LUZP2: variants seen among roughly 807,000 people sequenced by gnomAD.
LUZP2 encodes leucine zipper protein 2.
In LUZP2, 52 loss-of-function variants were observed where a neutral mutation model predicts 51.6. The ratio of observed to expected loss-of-function variants is 1.01; its 90% CI spans 0.81 to 1.27. The LOEUF (loss-of-function observed/expected upper bound fraction) is 1.27. Among genes scored for constraint, LUZP2 ranks in the 50% most tolerant of loss-of-function variants. The pLI, the probability that LUZP2 is intolerant of heterozygous loss-of-function variation, is 0.00. For synonymous variants in LUZP2, 154 were observed against 137.3 expected (o/e 1.12, Z -0.85); for missense variants, 436 against 395.4 (o/e 1.10, Z -0.87).
intron 8 of LUZP2, among the ~76,000 whole-genome samples, chr11:24,979,515 A>G (rs1855968918): frequency 6.6e-6 from 1 of 151,872 alleles, no homozygotes; most frequent in South Asian, 2.1e-4. Context: ...AAATAACCTT[A>G]AGTACTTCAT....
chr11:24,848,456 A>G (rs1440780403), intron 5 of LUZP2, among the ~76,000 whole-genome samples: 1 of 151,872 alleles, frequency 6.6e-6, no homozygotes, highest in Non-Finnish European at 1.5e-5. Context: ...TTCAGCTCCC[A>G]CCCTTCCACT....
intron 5 of LUZP2, chr11:24,831,781 T>G (rs1475295657): frequency 2.0e-5 from 3 of 152,578 alleles, no homozygotes; most frequent in African/African-American, 4.8e-5. Flanking sequence ...TTAAAAACTT[T>G]GGAAAGGCCA....
Position 24,932,813 on chromosome 11 carries a change from C to G in LUZP2, c.522+18275C>G, listed in dbSNP as rs149310744. Among the ~76,000 whole-genome samples, 1,470 of 152,302 alleles carry G rather than the reference C, an allele frequency of 9.7e-3. 20 individuals carry two copies. The highest frequency in any genetic ancestry group is 0.045 in the South Asian group (215 of 4,826). Reference sequence around the variant, plus strand: ...TGTAGTGGCTGCACCTTCTGTTTGCCTCTCTCTCGGGTTCTGTCCAGGAAA... The same window carrying G: ...TGTAGTGGCTGCACCTTCTGTTTGCGTCTCTCTCGGGTTCTGTCCAGGAAA... On this transcript the variant is annotated intron_variant, in intron 7 of 11. Transcript: ENST00000336930.
At chr11:24,841,115 C>G (rs1321103830) in intron 5 of LUZP2, among the ~76,000 whole-genome samples, 2 of 151,750 alleles carry the variant, frequency 1.3e-5, no homozygotes, top group African/African-American at 4.8e-5. Flanking sequence ...TGTTAAAGCC[C>G]TAATGTCCAA....
chr11:24,989,186 C>T (rs983825118), intron 9 of LUZP2, among the ~76,000 whole-genome samples: 10 of 151,892 alleles, frequency 6.6e-5, no homozygotes, highest in African/African-American at 2.2e-4. Context: ...CAGATGAGTC[C>T]CCATATTTTA....
chr11:24,754,104 G>T (rs992322187), intron 4 of LUZP2, among the ~76,000 whole-genome samples: 2 of 152,074 alleles, frequency 1.3e-5, no homozygotes, highest in African/African-American at 4.8e-5. Context: ...TGAATCCCAT[G>T]ACTCTCTCTT....
At chr11:24,696,021 C>T (rs1343440104) in intron 1 of LUZP2, among the ~76,000 whole-genome samples, 5 of 151,986 alleles carry the variant, frequency 3.3e-5, no homozygotes, top group Non-Finnish European at 5.9e-5. Context: ...TCAACAGAAA[C>T]AGAAACTTCT....
chr11:24,877,624 T>C (rs1852315196), intron 5 of LUZP2, among the ~76,000 whole-genome samples: 1 of 152,146 alleles, frequency 6.6e-6, no homozygotes, highest in Non-Finnish European at 1.5e-5. Flanking sequence ...TATTTTAAAA[T>C]GTACAATTAA....
At chr11:24,700,507 A>G (rs1405513798) in intron 1 of LUZP2, among the ~76,000 whole-genome samples, 1 of 152,070 alleles carries the variant, frequency 6.6e-6, no homozygotes, top group African/African-American at 2.4e-5. Context: ...AATCTAACAT[A>G]TGTATTTTAC....
chr11:24,991,778 G>A (rs1226609385), intron 9 of LUZP2, among the ~76,000 whole-genome samples: 1 of 151,994 alleles, frequency 6.6e-6, no homozygotes, highest in Non-Finnish European at 1.5e-5. Flanking sequence ...GAAGTAAGGA[G>A]GTATTGCATT....
At chr11:25,072,809 G>A (rs975462128) in intron 10 of LUZP2, among the ~76,000 whole-genome samples, 2 of 150,022 alleles carry the variant, frequency 1.3e-5, no homozygotes, top group African/African-American at 4.8e-5. Flanking sequence ...AGTTTTATTG[G>A]ATAAATCTTT....
chr11:24,774,360 C>CTA (rs1485638353), intron 5 of LUZP2, among the ~76,000 whole-genome samples: 23 of 76,146 alleles, frequency 3.0e-4, no homozygotes, highest in African/African-American at 1.2e-3. Flanking sequence ...CTCTCTCTCT[C>CTA]TCTATATATA....
chr11:24,898,886 T>G (rs1314226959), intron 5 of LUZP2, among the ~76,000 whole-genome samples: 1 of 151,604 alleles, frequency 6.6e-6, no homozygotes, highest in Non-Finnish European at 1.5e-5. Flanking sequence ...ATGGGACCAA[T>G]GTTAAAAATA....
At chr11:24,694,803 C>A (rs1316701023) in intron 1 of LUZP2, among the ~76,000 whole-genome samples, 1 of 151,950 alleles carries the variant, frequency 6.6e-6, no homozygotes, top group Non-Finnish European at 1.5e-5. Flanking sequence ...CCATTATCCT[C>A]AGCAAACTAA....
intron 6 of LUZP2, among the ~76,000 whole-genome samples, chr11:24,913,976 C>T (rs12361276): frequency 0.46 from 70,131 of 151,824 alleles, 16,613 homozygotes; most frequent in East Asian, 0.76. Context: ...AAATGTATTG[C>T]TCTAAAATGC....
chr11:24,651,581 T>C (rs1855624496), intron 1 of LUZP2, among the ~76,000 whole-genome samples: 1 of 152,136 alleles, frequency 6.6e-6, no homozygotes, highest in Non-Finnish European at 1.5e-5. Context: ...AGCAGAAAAT[T>C]AAAAATTTTA....
intron 1 of LUZP2, among the ~76,000 whole-genome samples, chr11:24,671,243 A>C (rs1856393074): frequency 6.7e-6 from 1 of 150,220 alleles, no homozygotes; most frequent in Non-Finnish European, 1.5e-5. Flanking sequence ...CTTCCTATAG[A>C]TCTTATTATT....
chr11:25,022,227 TA>T (rs1422935699), intron 9 of LUZP2, among the ~76,000 whole-genome samples: 4 of 152,072 alleles, frequency 2.6e-5, no homozygotes, highest in African/African-American at 9.7e-5. Context: ...TCTTTCATTA[TA>T]ATTATTCAAA....
intron 7 of LUZP2, among the ~76,000 whole-genome samples, chr11:24,975,371 T>C (rs1233080408): frequency 2.6e-5 from 4 of 152,068 alleles, no homozygotes; most frequent in Admixed American, 2.0e-4. Context: ...GATACCACAA[T>C]CAACTGGAAG....
Sources: gnomAD v4.1 joint callset for allele counts (sites outside exome capture counted in the v4.1 genomes callset) on GRCh38, gnomAD v4.1.1 for gene constraint, MANE v1.5 for transcripts, NCBI Gene and HGNC (gene_info 2026-07-23, HGNC 2026-07-21) for gene names.